Variants in GPC5 observed in about 807,000 individuals in gnomAD.
The protein encoded by GPC5 is glypican 5.
In GPC5, 47 loss-of-function variants were observed where a neutral mutation model predicts 53.9. The ratio of observed to expected loss-of-function variants is 0.87; its 90% CI spans 0.69 to 1.11. The LOEUF (loss-of-function observed/expected upper bound fraction) is 1.11, where lower values mean the gene tolerates loss of function less well. Ranked by LOEUF, GPC5 falls within the 50% of genes most tolerant of loss-of-function variation. The probability of loss-of-function intolerance (pLI) is 0.00; values close to 1 mark genes in which losing one functional copy is unlikely to be tolerated. For synonymous variants in GPC5, 286 were observed against 263.3 expected (o/e 1.09, Z -0.84); for missense variants, 748 against 713.1 (o/e 1.05, Z -0.56).
intron 7 of GPC5, among the ~76,000 whole-genome samples, chr13:92,619,632 A>G (rs983870838): frequency 2.6e-5 from 4 of 151,994 alleles, no homozygotes; most frequent in African/African-American, 9.7e-5. Flanking sequence ...AAGATAAAAT[A>G]ATTGCTATTA....
chr13:91,829,213 T>A (rs866510279), intron 5 of GPC5, among the ~76,000 whole-genome samples: 8 of 152,140 alleles, frequency 5.3e-5, no homozygotes, highest in Middle Eastern at 3.4e-3. Flanking sequence ...GAGAAAACAA[T>A]GGGATACTCA....
chr13:92,098,195 G>C (rs948610196), intron 6 of GPC5, among the ~76,000 whole-genome samples: 5 of 152,004 alleles, frequency 3.3e-5, no homozygotes, highest in African/African-American at 9.7e-5. Context: ...GTGTCCCATT[G>C]GTCCCCTCTA....
chr13:91,882,211 C>T (rs1027178067), intron 5 of GPC5, among the ~76,000 whole-genome samples: 1 of 151,822 alleles, frequency 6.6e-6, no homozygotes, highest in African/African-American at 2.4e-5. Flanking sequence ...GTAATGTAAC[C>T]TGTATGGTTT....
At chr13:92,446,687 G>C (rs1487299560) in intron 7 of GPC5, 2 of 152,126 alleles carry the variant, frequency 1.3e-5, no homozygotes, top group African/African-American at 4.8e-5. Flanking sequence ...TCTATTTTGA[G>C]TTTTGTGAGG....
rs369184554 is a variant in GPC5 at position 91,676,047 on chromosome 13, T to C, written c.326-17140T>C. ...TGAAGTAACTCTTTGCCATAGATCA[T>C]GGGAGCCTTTGGCTTTGTTTGTTTG... On this transcript the variant is annotated intron_variant, in intron 2 of 7. Transcript: ENST00000377067. Among the ~76,000 whole-genome samples, 92 of 152,234 alleles carry C rather than the reference T, an allele frequency of 6.0e-4. 2 individuals carry two copies. In the South Asian group the frequency reaches 0.018, roughly 30 times the overall value.
intron 7 of GPC5, among the ~76,000 whole-genome samples, chr13:92,343,743 C>T (rs958715162): frequency 3.9e-5 from 6 of 151,992 alleles, no homozygotes; most frequent in African/African-American, 2.4e-5. Flanking sequence ...AACATTTGAA[C>T]TGATCAGCAT....
At chr13:92,833,006 A>G in intron 7 of GPC5, among the ~76,000 whole-genome samples, 1 of 152,326 alleles carries the variant, frequency 6.6e-6, no homozygotes, top group African/African-American at 2.4e-5. Context: ...ACTGCGTCTC[A>G]AAACAAACAA....
At chr13:91,734,957 A>G (rs2036782772) in intron 4 of GPC5, among the ~76,000 whole-genome samples, 1 of 150,108 alleles carries the variant, frequency 6.7e-6, no homozygotes, top group African/African-American at 2.5e-5. Flanking sequence ...GATTAAATGT[A>G]TTTATTGGTA....
At chr13:92,012,435 T>A (rs2040670032) in intron 6 of GPC5, among the ~76,000 whole-genome samples, 1 of 152,190 alleles carries the variant, frequency 6.6e-6, no homozygotes, top group Non-Finnish European at 1.5e-5. Context: ...TAAAAAAGAA[T>A]TTCTTCTTGC....
intron 5 of GPC5, among the ~76,000 whole-genome samples, chr13:91,822,346 A>G (rs1182067082): frequency 3.9e-5 from 6 of 152,202 alleles, no homozygotes; most frequent in Non-Finnish European, 8.8e-5. Flanking sequence ...GGCAGGATGG[A>G]CTTTCATTTG....
chr13:92,158,093 G>C (rs1450432152), intron 7 of GPC5, among the ~76,000 whole-genome samples: 1 of 152,114 alleles, frequency 6.6e-6, no homozygotes, highest in African/African-American at 2.4e-5. Flanking sequence ...TTCAATAGAG[G>C]ACCAAAGATA....
In GPC5 at chr13:91,468,803, T is replaced by A. The variant is rs143472148; in HGVS notation, c.325+19881T>A. Among the ~76,000 whole-genome samples the A allele has an allele frequency of 6.6e-3, 1,007 of 152,266 alleles. 15 individuals are homozygous for A. Among genetic ancestry groups the A allele is most frequent in the African/African-American group, 0.02 (836 of 41,560 alleles). ...GTATTTATAATTTTGTTATATTTTT[T>A]ATTAGAAAATTTAGCCAATAAAATC... On this transcript the variant is annotated intron_variant, in intron 2 of 7. Transcript: ENST00000377067.
intron 2 of GPC5, among the ~76,000 whole-genome samples, chr13:91,631,723 T>C (rs2034162662): frequency 6.6e-6 from 1 of 152,034 alleles, no homozygotes; most frequent in South Asian, 2.1e-4. Flanking sequence ...AATTAGTTGT[T>C]TATGGACTCA....
intron 7 of GPC5, among the ~76,000 whole-genome samples, chr13:92,569,023 C>A (rs796135099): frequency 2.1e-4 from 32 of 150,504 alleles, no homozygotes; most frequent in African/African-American, 7.8e-4. Context: ...GTGTGCTGCA[C>A]CCATTAACTC....
chr13:92,026,238 AATT>A (rs1247359092), intron 6 of GPC5, among the ~76,000 whole-genome samples: 1 of 151,996 alleles, frequency 6.6e-6, no homozygotes, highest in Non-Finnish European at 1.5e-5. Context: ...AACATATGCA[AATT>A]ATTAATAATG....
rs79846684 is a variant in GPC5, at chr13:92,038,291, A to G, written c.1402-106539A>G. ...AAAGTTTTCATTTGTACATTGAGGGAGAAATATTCATTAGGCACTTGGTGT... is the reference window on the plus strand; with the variant it reads ...AAAGTTTTCATTTGTACATTGAGGGGGAAATATTCATTAGGCACTTGGTGT... On this transcript the variant is annotated intron_variant, in intron 6 of 7. Transcript: ENST00000377067. 8.2e-3 allele frequency among the ~76,000 whole-genome samples: 1,237 copies of G among 151,756 alleles called. 19 individuals are homozygous for G. The highest frequency in any genetic ancestry group is 0.028 in the African/African-American group (1,151 of 41,402).
intron 7 of GPC5, among the ~76,000 whole-genome samples, chr13:92,211,942 G>A (rs1261351663): frequency 6.6e-6 from 1 of 152,092 alleles, no homozygotes; most frequent in Non-Finnish European, 1.5e-5. Context: ...AAGTCAAAAT[G>A]TTTGTCGTCT....
At chr13:91,722,929 C>A (rs990444723) in intron 3 of GPC5, among the ~76,000 whole-genome samples, 1 of 152,016 alleles carries the variant, frequency 6.6e-6, no homozygotes, top group African/African-American at 2.4e-5. Flanking sequence ...TTATGGGTAG[C>A]TTGTTTAAAG....
At position 92,549,423 on chromosome 13, in the gene GPC5, A is replaced by G. The variant is rs187617511; in HGVS notation, c.1562-316859A>G. Among the ~76,000 whole-genome samples, 256 of 152,220 alleles carry G rather than the reference A, an allele frequency of 1.7e-3. 1 individual carries two copies. The highest frequency in any genetic ancestry group is 6.0e-3 in the African/African-American group (251 of 41,562). ...AGTTAATAATTCACATTCAAGCAAA[A>G]CAAATTGGGGCCTACCTCTTTGCAA... On this transcript the variant is annotated intron_variant, in intron 7 of 7. Coordinates refer to ENST00000377067, the MANE Select transcript of GPC5 (RefSeq NM_004466.6).
Sources: gnomAD v4.1 joint callset for allele counts (sites outside exome capture counted in the v4.1 genomes callset) on GRCh38, gnomAD v4.1.1 for gene constraint, MANE v1.5 for transcripts, NCBI Gene and HGNC (gene_info 2026-07-23, HGNC 2026-07-21) for gene names.